The following ADGRF5 variants were observed in gnomAD, a reference collection of about 807,000 sequenced individuals.
ADGRF5 encodes adhesion G protein-coupled receptor F5.
Under a neutral mutation model 132.3 loss-of-function variants are expected in ADGRF5, and 75 were observed. The observed-to-expected ratio is 0.57, with a 90% CI of 0.47 to 0.69. ADGRF5 has a LOEUF of 0.69. Among genes scored for constraint, ADGRF5 ranks in the 30% least tolerant of loss-of-function variants. ADGRF5 has a pLI of 0.00. For missense variants in ADGRF5, 1,516 were observed against 1,630.6 expected, an observed-to-expected ratio of 0.93 and a Z score of 1.21; for synonymous variants, 629 against 597.6, an observed-to-expected ratio of 1.05 and a Z score of -0.77.
Position 46,858,406 on chromosome 6 carries a change from C to A in ADGRF5, c.3497G>T (p.Trp1166Leu). The A allele has an allele frequency of 6.2e-7, 1 of 1,613,920 alleles. No individual in the cohort carries two copies. The highest frequency in any genetic ancestry group is 8.5e-7 in the Non-Finnish European group (1 of 1,179,872). ...YTRKNVCWLNWEDTKALLAFA... is the reference protein window; with the variant it reads ...YTRKNVCWLNLEDTKALLAFA... ...AGCCAGCAGGGCCTTGGTGTCCTCC[C>A]AGTTGAGCCAACAGACATTCTTCCT... The change falls in exon 17 of 21, where the codon TGG becomes TTG. Residue 1166 changes from tryptophan (W) to leucine (L), a missense_variant. Trp to Leu is a moderately conservative substitution (Grantham distance 61). This residue lies in a region of ADGRF5 where 571 missense variants were observed against 701.2 expected (regional missense o/e 0.81). Coordinates refer to ENST00000283296, the MANE Select transcript of ADGRF5 (RefSeq NM_001098518.2).
At chr6:46,952,214 TC>T (rs1481538101) in intron 1 of ADGRF5, among the ~76,000 whole-genome samples, 2 of 152,214 alleles carry the variant, frequency 1.3e-5, no homozygotes, top group African/African-American at 4.8e-5. Context: ...AGCTTTAAGC[TC>T]TCGAGGCCTT....
chr6:46,863,678 A>G (rs1770050600), intron 14 of ADGRF5, among the ~76,000 whole-genome samples: 2 of 152,194 alleles, frequency 1.3e-5, no homozygotes. Flanking sequence ...GGAATCTCTC[A>G]TGTCCAGTGG....
At chr6:46,927,988 G>A (rs1777341376) in intron 1 of ADGRF5, among the ~76,000 whole-genome samples, 1 of 152,174 alleles carries the variant, frequency 6.6e-6, no homozygotes, top group Non-Finnish European at 1.5e-5. Context: ...CATAGGCTAT[G>A]CTCTGGCTAA....
intron 1 of ADGRF5, among the ~76,000 whole-genome samples, chr6:46,950,607 C>T (rs1358274854): frequency 6.6e-6 from 1 of 152,126 alleles, no homozygotes; most frequent in Non-Finnish European, 1.5e-5. Flanking sequence ...CTCCGCCTCC[C>T]GGGTTCAAGC....
At chr6:46,904,050 T>C (rs1378252344) in intron 2 of ADGRF5, among the ~76,000 whole-genome samples, 2 of 152,188 alleles carry the variant, frequency 1.3e-5, no homozygotes, top group African/African-American at 2.4e-5. Context: ...ATATATAGCC[T>C]GTAACTCTAA....
intron 12 of ADGRF5, among the ~76,000 whole-genome samples, chr6:46,867,561 A>G (rs959587885): frequency 3.3e-5 from 5 of 152,150 alleles, no homozygotes; most frequent in African/African-American, 9.7e-5. Context: ...TGACACCCCT[A>G]TCTCCCATCT....
intron 16 of ADGRF5, 32 bp from the exon 17 acceptor site, chr6:46,859,555 C>G (rs1467943416): frequency 7.6e-7 from 1 of 1,324,046 alleles, no homozygotes; most frequent in Non-Finnish European, 1.0e-6. Context: ...GTCAAACTAA[C>G]CAAATTCTTT....
chr6:46,868,711 G>A (rs889795755), intron 12 of ADGRF5, among the ~76,000 whole-genome samples, 172 bp downstream of exon 12: 1 of 152,178 alleles, frequency 6.6e-6, no homozygotes, highest in Non-Finnish European at 1.5e-5. Flanking sequence ...CTGTAAATAT[G>A]GAAATAATGG....
chr6:46,906,857 C>G (rs1775430484), intron 1 of ADGRF5, 71 bp from the exon 2 acceptor site: 2 of 761,720 alleles, frequency 2.6e-6, no homozygotes, highest in Admixed American at 2.0e-5. Flanking sequence ...AACTCGCAAG[C>G]CCTGTCTTAA....
At chr6:46,905,390 A>G (rs1042984277) in intron 2 of ADGRF5, 2 of 152,164 alleles carry the variant, frequency 1.3e-5, no homozygotes, top group African/African-American at 2.4e-5. Context: ...TCAAACAATG[A>G]AAGAACCAAA....
rs889329610 is a variant in ADGRF5 at position 46,863,387 on chromosome 6, T to C, written c.1991-291A>G. On this transcript the variant is annotated intron_variant, in intron 14 of 20. Transcript: ENST00000283296. Reference sequence around the variant, plus strand: ...CATATTAGAATCATCTGGGAAGCTTTTGAAAACACCAGTGTCTGGGCTAAG... The same window carrying C: ...CATATTAGAATCATCTGGGAAGCTTCTGAAAACACCAGTGTCTGGGCTAAG... The C allele has an allele frequency of 1.2e-5, 6 of 489,240 alleles. No individual in the cohort carries two copies. In the East Asian group the frequency reaches 1.7e-4, roughly 14 times the overall value. The allele number at this position is 489,240 out of a possible 1,614,324, so 30.3% of individuals were successfully genotyped here.
chr6:46,882,581 T>C (rs1247544061), intron 6 of ADGRF5, among the ~76,000 whole-genome samples: 2 of 152,204 alleles, frequency 1.3e-5, no homozygotes, highest in East Asian at 1.9e-4. Context: ...CCTTGCTCCA[T>C]TACATGACCT....
chr6:46,883,334 T>A (rs1772691167), intron 6 of ADGRF5, among the ~76,000 whole-genome samples: 1 of 152,188 alleles, frequency 6.6e-6, no homozygotes, highest in South Asian at 2.1e-4. Context: ...ACTGAACCAG[T>A]TCCACCCTGA....
In ADGRF5 at chr6:46,853,159, T is replaced by C. The variant is rs533883446; in HGVS notation, c.*833A>G. ...CAGCACTTGGATCTAATGACATATC[T>C]TTGTAATACTTCCTCTGCAGATACA... On this transcript the variant is annotated 3_prime_UTR_variant, in exon 21 of 21. Coordinates refer to ENST00000283296, the MANE Select transcript of ADGRF5 (RefSeq NM_001098518.2). 5 of 152,596 alleles carry C rather than the reference T, an allele frequency of 3.3e-5. No individual in the cohort carries two copies. The East Asian group carries it at 7.7e-4, about 24-fold the overall frequency. The allele number at this position is 152,596 out of a possible 1,614,324, so 9.5% of individuals were successfully genotyped here. A position where few individuals can be genotyped will look rare whatever the true frequency, so the allele number is the denominator to read the frequency against.
At chr6:46,854,826 C>G (rs1418212744) in intron 20 of ADGRF5, 1 of 958,884 alleles carries the variant, frequency 1.0e-6, no homozygotes, top group Non-Finnish European at 1.5e-6. Flanking sequence ...GGCCCCCAAA[C>G]ATGCCCAATT....
At chr6:46,913,874 C>T (rs1218402484) in intron 1 of ADGRF5, among the ~76,000 whole-genome samples, 1 of 152,110 alleles carries the variant, frequency 6.6e-6, no homozygotes, top group African/African-American at 2.4e-5. Context: ...GAAATCATAC[C>T]TCTTACTAAA....
intron 12 of ADGRF5, among the ~76,000 whole-genome samples, chr6:46,867,777 C>T (rs1024378884): frequency 2.4e-5 from 3 of 124,180 alleles, no homozygotes; most frequent in African/African-American, 8.2e-5. Context: ...AGAAAGGAAA[C>T]TCCTTTTAAT....
rs1772812682 is a variant in ADGRF5 at position 46,884,251 on chromosome 6, C to T, written c.349G>A (p.Glu117Lys). ...CCTGTCTCGCAGGAGCACCAGATTT[C>T]ATTTCCAGCAGGTCTGCAGACTATC... is the stretch of plus-strand genomic sequence containing the variant. ...VTTVCRPAGN[E>K]IWCSCETGYG... Residue 117 changes from glutamate to lysine, a missense_variant, in exon 5 of 21, where the codon GAA becomes AAA. Glu to Lys is a moderately conservative substitution (Grantham distance 56). This residue lies in a region of ADGRF5 where 945 missense variants were observed against 929.4 expected (regional missense o/e 1.02). Transcript: ENST00000283296. The T allele has an allele frequency of 6.2e-7, 1 of 1,613,652 alleles. No individual in the cohort carries two copies. The highest frequency in any genetic ancestry group is 1.7e-5 in the Admixed American group (1 of 59,992).
chr6:46,951,394 G>A (rs1180638697), intron 1 of ADGRF5, among the ~76,000 whole-genome samples: 1 of 152,180 alleles, frequency 6.6e-6, no homozygotes, highest in African/African-American at 2.4e-5. Context: ...AAACCTGCTG[G>A]CTGTGTCTGT....
Sources: gnomAD v4.1 joint callset for allele counts (sites outside exome capture counted in the v4.1 genomes callset) on GRCh38, gnomAD v4.1.1 for gene constraint, gnomAD v4.1.1 regional missense constraint, MANE v1.5 for transcripts, NCBI Gene and HGNC (gene_info 2026-07-23, HGNC 2026-07-21) for gene names.